Variants in LAMA2 observed in about 807,000 individuals in gnomAD.
LAMA2 encodes laminin subunit alpha 2, also known as laminin subunit alpha-2.
A neutral mutation model predicts 364.8 loss-of-function variants in LAMA2; 269 were observed. That is an observed-to-expected ratio of 0.74 (90% confidence interval 0.67 to 0.82). The LOEUF is 0.82. LAMA2 is among the 40% of genes least tolerant of loss of function. The pLI, the probability that LAMA2 is intolerant of heterozygous loss-of-function variation, is 0.00. For missense variants in LAMA2, 3,807 were observed against 3,873.2 expected, an observed-to-expected ratio of 0.98 and a Z score of 0.45; for synonymous variants, 1,379 against 1,370.6, an observed-to-expected ratio of 1.01 and a Z score of -0.14.
At chr6:128,964,751 A>C (rs1781735272) in intron 1 of LAMA2, among the ~76,000 whole-genome samples, 1 of 152,058 alleles carries the variant, frequency 6.6e-6, no homozygotes, top group Non-Finnish European at 1.5e-5. Flanking sequence ...GCTTAGGAAG[A>C]AAAATAGAAA....
intron 1 of LAMA2, among the ~76,000 whole-genome samples, chr6:128,884,238 T>G (rs1429086510): frequency 6.6e-6 from 1 of 152,130 alleles, no homozygotes; most frequent in Non-Finnish European, 1.5e-5. Context: ...AGGAAGCACA[T>G]GTGCAGCATT....
chr6:129,385,272 G>T (rs983417718), intron 35 of LAMA2, among the ~76,000 whole-genome samples: 1 of 113,636 alleles, frequency 8.8e-6, no homozygotes, highest in African/African-American at 3.4e-5. Context: ...GGGGAAAGAA[G>T]GAAGGGAAAG....
chr6:129,016,526 AACAGC>A (rs1303485067), intron 1 of LAMA2, among the ~76,000 whole-genome samples: 1 of 152,014 alleles, frequency 6.6e-6, no homozygotes. Flanking sequence ...TGTTATACCC[AACAGC>A]ACGGGTGAAC....
intron 60 of LAMA2, 32 bp downstream of exon 60, chr6:129,503,312 A>G (rs777813189): frequency 3.1e-6 from 5 of 1,593,486 alleles, no homozygotes; most frequent in Non-Finnish European, 4.3e-6. Context: ...GCAGTACCCT[A>G]AGGGAATTAC....
At chr6:129,502,058 A>C (rs1480630859) in intron 58 of LAMA2, among the ~76,000 whole-genome samples, 2 of 152,216 alleles carry the variant, frequency 1.3e-5, no homozygotes, top group Non-Finnish European at 2.9e-5. Flanking sequence ...GAACAGTGGC[A>C]GTTGAAATGG....
At chr6:129,115,802 A>C (rs1776441679) in intron 4 of LAMA2, among the ~76,000 whole-genome samples, 1 of 152,158 alleles carries the variant, frequency 6.6e-6, no homozygotes, top group African/African-American at 2.4e-5. Flanking sequence ...TCTAAGAATG[A>C]GGAAGTATAA....
At chr6:129,062,654 G>C (rs1374439573) in intron 3 of LAMA2, among the ~76,000 whole-genome samples, 1 of 152,116 alleles carries the variant, frequency 6.6e-6, no homozygotes, top group Non-Finnish European at 1.5e-5. Flanking sequence ...TTCAAAATAA[G>C]ATGAGCTATT....
intron 9 of LAMA2, 116 bp from the exon 10 acceptor site, chr6:129,177,590 T>TA: frequency 1.9e-6 from 2 of 1,033,998 alleles, no homozygotes; most frequent in Non-Finnish European, 2.9e-6. Context: ...TTGATATATA[T>TA]AAAAAATCTA....
At chr6:128,895,361 G>A (rs7761275) in intron 1 of LAMA2, among the ~76,000 whole-genome samples, 9,972 of 151,638 alleles carry the variant, frequency 0.066, 968 homozygotes, top group African/African-American at 0.21. Context: ...GGCGGGGCGC[G>A]GTGGCTCACG....
chr6:128,966,149 T>C (rs1781830927), intron 1 of LAMA2, among the ~76,000 whole-genome samples: 1 of 151,956 alleles, frequency 6.6e-6, no homozygotes, highest in Non-Finnish European at 1.5e-5. Context: ...CTAAATTTTT[T>C]TTTAAAGATT....
chr6:129,098,531 A>G, intron 4 of LAMA2, 116 bp downstream of exon 4: 1 of 1,252,488 alleles, frequency 8.0e-7, no homozygotes, highest in Non-Finnish European at 1.1e-6. Context: ...GGATTTAGCA[A>G]AAGTACATTT....
At chr6:129,369,329 A>G (rs1009964865) in intron 33 of LAMA2, among the ~76,000 whole-genome samples, 3 of 152,104 alleles carry the variant, frequency 2.0e-5, no homozygotes, top group Non-Finnish European at 4.4e-5. Context: ...TTAGTGTCCT[A>G]TGAGATTATT....
At chr6:128,974,930 C>A (rs983079830) in intron 1 of LAMA2, among the ~76,000 whole-genome samples, 1 of 151,188 alleles carries the variant, frequency 6.6e-6, no homozygotes, top group African/African-American at 2.4e-5. Context: ...TGGTTCACTG[C>A]AAGCTCCGCC....
At chr6:128,911,848 C>T (rs115657131) in intron 1 of LAMA2, among the ~76,000 whole-genome samples, 1,568 of 152,258 alleles carry the variant, frequency 0.01, 25 homozygotes, top group African/African-American at 0.036. Context: ...AAACTCTTAT[C>T]TGATTAGTTT....
chr6:129,459,698 T>C (rs1317208943), intron 48 of LAMA2, among the ~76,000 whole-genome samples: 1 of 152,080 alleles, frequency 6.6e-6, no homozygotes, highest in East Asian at 1.9e-4. Flanking sequence ...ATGTCCCCTT[T>C]CTTCTGATCT....
At chr6:129,130,166 C>T (rs1237550136) in intron 4 of LAMA2, among the ~76,000 whole-genome samples, 1 of 152,114 alleles carries the variant, frequency 6.6e-6, no homozygotes, top group Non-Finnish European at 1.5e-5. Context: ...GAATATTGAT[C>T]AGATTTTCAG....
intron 1 of LAMA2, among the ~76,000 whole-genome samples, chr6:128,916,119 A>G (rs1027377702): frequency 6.6e-6 from 1 of 152,156 alleles, no homozygotes; most frequent in Non-Finnish European, 1.5e-5. Flanking sequence ...ATCTCCGCCC[A>G]TCTCCCTTGG....
At chr6:129,147,759 T>A (rs1241418117) in intron 6 of LAMA2, among the ~76,000 whole-genome samples, 2 of 152,046 alleles carry the variant, frequency 1.3e-5, no homozygotes, top group East Asian at 3.9e-4. Context: ...ACAGATTTTT[T>A]TTCTCAAATA....
chr6:129,474,665 G>T lies in LAMA2; in HGVS notation c.7440-725G>T, dbSNP rs73777430. 9.9e-3 allele frequency among the ~76,000 whole-genome samples: 1,505 copies of T among 152,068 alleles called. 19 individuals are homozygous for T. Among genetic ancestry groups the T allele is most frequent in the African/African-American group, 0.034 (1,398 of 41,478 alleles). On this transcript the variant is annotated intron_variant, in intron 52 of 64. Transcript: ENST00000421865. ...TGAATTAAATACAGCCAAACCTAAG[G>T]TTATTCAAATCTAGCTTCATTTATT...
Sources: gnomAD v4.1 joint callset for allele counts (sites outside exome capture counted in the v4.1 genomes callset) on GRCh38, gnomAD v4.1.1 for gene constraint, MANE v1.5 for transcripts, NCBI Gene and HGNC (gene_info 2026-07-23, HGNC 2026-07-21) for gene names.